The following ZC3H12B variants were observed in gnomAD, a reference collection of about 807,000 sequenced individuals.
The protein encoded by ZC3H12B is zinc finger CCCH-type containing 12B.
A neutral mutation model predicts 43.9 loss-of-function variants in ZC3H12B; 7 were observed. That is an observed-to-expected ratio of 0.16 (90% CI 0.09 to 0.30). The LOEUF is 0.30. Among genes scored for constraint, ZC3H12B ranks in the 10% least tolerant of loss-of-function variants. ZC3H12B has a pLI of 1.00. For synonymous variants in ZC3H12B, 222 were observed against 241.7 expected, an observed-to-expected ratio of 0.92 and a Z score of 0.76; for missense variants, 475 against 670.2, an observed-to-expected ratio of 0.71 and a Z score of 3.22.
the ZC3H12B span, among the ~76,000 whole-genome samples, chrX:65,105,082 A>G: frequency 6.3e-5 from 7 of 111,466 alleles, no homozygotes; most frequent in Non-Finnish European, 1.3e-4. Context: ...CCATAAAAAG[A>G]ATGAGTTCCT....
the ZC3H12B span, among the ~76,000 whole-genome samples, chrX:65,106,811 G>A: frequency 1.8e-5 from 2 of 111,673 alleles, no homozygotes; most frequent in Non-Finnish European, 3.8e-5. Flanking sequence ...ACTACAGTCA[G>A]TGTCTTAAGC....
chrX:65,326,786 T>C, the ZC3H12B span, among the ~76,000 whole-genome samples: 1 of 111,578 alleles, frequency 9.0e-6, no homozygotes, highest in African/African-American at 3.2e-5. Flanking sequence ...AATAATAAAA[T>C]AAAATTTAAC....
At chrX:65,373,282 T>A (rs897224051) in intron 2 of ZC3H12B, among the ~76,000 whole-genome samples, 3 of 112,069 alleles carry the variant, frequency 2.7e-5, no homozygotes, top group African/African-American at 9.7e-5. Context: ...AATACTTTTA[T>A]ACTGTTGGTG....
chrX:65,211,886 G>T, the ZC3H12B span, among the ~76,000 whole-genome samples: 1 of 70,392 alleles, frequency 1.4e-5, no homozygotes, highest in Non-Finnish European at 2.4e-5. Flanking sequence ...TATATGTTAT[G>T]TATACTATAT....
chrX:65,150,977 G>A, the ZC3H12B span, among the ~76,000 whole-genome samples: 1 of 111,583 alleles, frequency 9.0e-6, no homozygotes. Context: ...GATCTCTCTG[G>A]AGGACAGAGA....
At chrX:65,251,369 C>T in the ZC3H12B span, among the ~76,000 whole-genome samples, 16 of 111,376 alleles carry the variant, frequency 1.4e-4, no homozygotes, top group East Asian at 2.8e-3. Flanking sequence ...AATCAGGTAG[C>T]GTGATGCCTC....
chrX:65,188,543 G>A, the ZC3H12B span, among the ~76,000 whole-genome samples: 3 of 110,275 alleles, frequency 2.7e-5, no homozygotes, highest in Non-Finnish European at 5.7e-5. Flanking sequence ...ATTACAGTTT[G>A]GATTTGCATT....
the ZC3H12B span, among the ~76,000 whole-genome samples, chrX:65,282,818 G>C: frequency 8.9e-6 from 1 of 111,761 alleles, no homozygotes; most frequent in East Asian, 2.8e-4. Context: ...CTCTGAAATT[G>C]AGGCAATAAC....
chrX:65,244,108 C>A, the ZC3H12B span, among the ~76,000 whole-genome samples: 2 of 111,200 alleles, frequency 1.8e-5, no homozygotes, highest in African/African-American at 3.3e-5. Context: ...TTCAAAATAA[C>A]TGGAAGAGTG....
chrX:65,148,511 C>G, the ZC3H12B span, among the ~76,000 whole-genome samples: 1 of 110,982 alleles, frequency 9.0e-6, no homozygotes, highest in Non-Finnish European at 1.9e-5. Context: ...CCAGGTTGGG[C>G]TTGGAGGCTC....
intron 2 of ZC3H12B, among the ~76,000 whole-genome samples, chrX:65,386,681 C>T (rs1160391980): frequency 9.0e-6 from 1 of 111,516 alleles, no homozygotes; most frequent in Non-Finnish European, 1.9e-5. Context: ...TTCTTGCCTT[C>T]TGCTACCTTT....
chrX:65,164,903 C>G, the ZC3H12B span, among the ~76,000 whole-genome samples: 1 of 111,817 alleles, frequency 8.9e-6, no homozygotes, highest in African/African-American at 3.2e-5. Flanking sequence ...TAACAAGAGT[C>G]TTATAGCAAA....
intron 3 of ZC3H12B, 126 bp downstream of exon 8, chrX:65,499,359 G>A: frequency 3.8e-6 from 2 of 532,310 alleles, no homozygotes; most frequent in Non-Finnish European, 6.1e-6. Flanking sequence ...ATAAAAGGAT[G>A]AATAAGGAAA....
chrX:65,153,955 T>G, the ZC3H12B span, among the ~76,000 whole-genome samples: 1 of 110,829 alleles, frequency 9.0e-6, no homozygotes, highest in Non-Finnish European at 1.9e-5. Context: ...TTGGAAATCA[T>G]CATTCTCAGT....
the ZC3H12B span, chrX:65,356,830 C>A: frequency 3.4e-6 from 1 of 295,175 alleles, no homozygotes. Flanking sequence ...TATTACACCC[C>A]AGCATTGAAG....
At chrX:65,051,206 C>T in the ZC3H12B span, among the ~76,000 whole-genome samples, 1 of 110,512 alleles carries the variant, frequency 9.0e-6, no homozygotes, top group Admixed American at 9.7e-5. Context: ...TTTTATGTTT[C>T]CTCTTTCATT....
the ZC3H12B span, among the ~76,000 whole-genome samples, chrX:65,313,308 A>G: frequency 1.8e-5 from 2 of 112,356 alleles, no homozygotes; most frequent in South Asian, 7.3e-4. Flanking sequence ...GGAGTGTAAA[A>G]TTATGGGAGA....
At chrX:65,223,160 T>C in the ZC3H12B span, among the ~76,000 whole-genome samples, 1 of 111,381 alleles carries the variant, frequency 9.0e-6, no homozygotes, top group Admixed American at 9.5e-5. Flanking sequence ...CAACAAATGG[T>C]ATTGGGTAAT....
the ZC3H12B span, among the ~76,000 whole-genome samples, chrX:65,302,724 G>A: frequency 1.8e-5 from 2 of 111,790 alleles, no homozygotes; most frequent in African/African-American, 6.5e-5. Context: ...GAACAAGAAA[G>A]TCAGAGGCCT....
Sources: allele counts gnomAD v4.1 joint callset (sites outside exome capture counted in the v4.1 genomes callset), GRCh38; gene constraint gnomAD v4.1.1; transcripts MANE v1.5; gene names NCBI Gene and HGNC (gene_info 2026-07-23, HGNC 2026-07-21).